Variants in EPX observed in about 807,000 individuals in gnomAD.
The protein encoded by EPX is eosinophil peroxidase.
Under a neutral mutation model 73.0 loss-of-function variants are expected in EPX, and 60 were observed. That is an observed-to-expected ratio of 0.82 (90% CI 0.67 to 1.02). The LOEUF is 1.02. Among genes scored for constraint, EPX ranks in the 50% least tolerant of loss-of-function variants. The probability of loss-of-function intolerance (pLI) is 0.00; values close to 1 mark genes in which losing one functional copy is unlikely to be tolerated. For synonymous variants in EPX, 347 were observed against 389.2 expected, an observed-to-expected ratio of 0.89 and a Z score of 1.28; for missense variants, 950 against 973.9, an observed-to-expected ratio of 0.98 and a Z score of 0.33.
chr17:58,194,881 C>T (rs1044930508), intron 5 of EPX, 83 bp from the exon 6 acceptor site: 5 of 1,009,718 alleles, frequency 5.0e-6, no homozygotes, highest in Non-Finnish European at 7.7e-6. Flanking sequence ...AGGGGAGCTG[C>T]TGCTCCCTGA....
intron 7 of EPX, among the ~76,000 whole-genome samples, chr17:58,198,624 A>G (rs1968294538): frequency 6.6e-6 from 1 of 152,200 alleles, no homozygotes; most frequent in Admixed American, 6.5e-5. Context: ...AAAGATAGGA[A>G]GAGGTACACC....
At chr17:58,196,360 G>C (rs1450064443) in intron 6 of EPX, among the ~76,000 whole-genome samples, 1 of 152,028 alleles carries the variant, frequency 6.6e-6, no homozygotes, top group African/African-American at 2.4e-5. Flanking sequence ...CACCTGCCTC[G>C]GCCTCCCAAA....
Position 58,203,296 on chromosome 17 carries a change from A to G in EPX, c.1924A>G (p.Arg642Gly). ...GGCTTGTCTGTTCGAGAACCAGTTC[A>G]GAAGAGCCCGAGACGGAGACAGGTA... ...LLACLFENQF[R>G]RARDGDRFWW... Residue 642 changes from arginine (R) to glycine (G), a missense_variant, in exon 11 of 13, where the codon AGA becomes GGA. Physicochemically the swap from Arg to Gly is moderately radical, Grantham distance 125. Transcript: ENST00000225371. The G allele has an allele frequency of 1.9e-6, 3 of 1,613,978 alleles. No individual in the cohort carries two copies. The highest frequency in any genetic ancestry group is 2.5e-6 in the Non-Finnish European group (3 of 1,179,814).
Position 58,197,112 on chromosome 17 carries a change from C to T in EPX, c.975C>T (p.Leu325=). The T allele has an allele frequency of 6.2e-7, 1 of 1,614,232 alleles. No individual in the cohort carries two copies. The highest frequency in any genetic ancestry group is 8.5e-7 in the Non-Finnish European group (1 of 1,180,046). ...GTGAGGTCTCCCTCTCGCTGCGGCT[C>T]CGCAACCGGACCAACTACCTGGGGC... ...YGSEVSLSLR[L]RNRTNYLGLL... The change falls in exon 7 of 13, where the codon CTC becomes CTT. Residue 325 remains leucine, a synonymous_variant. Coordinates refer to ENST00000225371, the MANE Select transcript of EPX (RefSeq NM_000502.6).
Position 58,195,141 on chromosome 17 carries a change from G to C in EPX, c.772G>C (p.Ala258Pro), listed in dbSNP as rs755681100. ...TAGVDCERTCAQLPPCFPIKI... is the reference protein window; with the variant it reads ...TAGVDCERTCPQLPPCFPIKI... ...AGGCGTTGACTGTGAGAGGACCTGCGCCCAGCTGCCCCCCTGCTTTCCCAT... is the reference window on the plus strand; with the variant it reads ...AGGCGTTGACTGTGAGAGGACCTGCCCCCAGCTGCCCCCCTGCTTTCCCAT... Residue 258 changes from alanine to proline, a missense_variant, in exon 6 of 13, where the codon GCC becomes CCC. Transcript: ENST00000225371. 3 of 1,613,948 alleles carry C rather than the reference G, an allele frequency of 1.9e-6. No individual in the cohort carries two copies. The highest frequency in any genetic ancestry group is 2.5e-6 in the Non-Finnish European group (3 of 1,179,886).
intron 9 of EPX, 53 bp from the exon 10 acceptor site, chr17:58,200,172 G>C: frequency 1.3e-6 from 2 of 1,579,394 alleles, no homozygotes; most frequent in Non-Finnish European, 1.7e-6. Flanking sequence ...GATAACCCAA[G>C]TAGCTTCCCA....
intron 3 of EPX, 63 bp from the exon 4 acceptor site, chr17:58,193,651 A>G: frequency 1.9e-6 from 3 of 1,540,494 alleles, no homozygotes; most frequent in African/African-American, 1.4e-5. Context: ...GGGAGGAGAG[A>G]GGGTAAAGGG....
At chr17:58,197,289 G>A in intron 7 of EPX, 32 bp downstream of exon 7, 15 of 1,606,640 alleles carry the variant, frequency 9.3e-6, no homozygotes, top group Non-Finnish European at 1.3e-5. Context: ...TGTCTTCCCA[G>A]GAAACAGCCA....
In EPX at chr17:58,204,882, G is replaced by C. The variant is rs1012798898; in HGVS notation, c.*158G>C. The C allele has an allele frequency of 5.1e-6, 1 of 197,058 alleles. No individual in the cohort carries two copies. The highest frequency in any genetic ancestry group is 2.3e-5 in the African/African-American group (1 of 42,968). The allele number at this position is 197,058 out of a possible 1,614,324, so 12.2% of individuals were successfully genotyped here. Reference sequence around the variant, plus strand: ...GTTCCCCAGCCAGGAGTGAAGGCTGGGGGCTCCTATCAGCAATGGACCTTC... The same window carrying C: ...GTTCCCCAGCCAGGAGTGAAGGCTGCGGGCTCCTATCAGCAATGGACCTTC... On this transcript the variant is annotated 3_prime_UTR_variant, in exon 13 of 13. Transcript: ENST00000225371.
chr17:58,196,468 T>C (rs890180082), intron 6 of EPX, among the ~76,000 whole-genome samples: 4 of 152,168 alleles, frequency 2.6e-5, no homozygotes, highest in Admixed American at 2.0e-4. Context: ...CTTAACTCTA[T>C]GTGTGTGTGT....
At position 58,199,122 on chromosome 17, in the gene EPX, G is replaced by A; in HGVS notation, c.1203G>A (p.Glu401=). ...FMREHNRLAT[E]LRRLNPRWNG... Reference sequence around the variant, plus strand: ...GAGAGCACAACCGGCTGGCCACCGAGCTGAGACGCCTGAATCCCCGGTGGA... The same window carrying A: ...GAGAGCACAACCGGCTGGCCACCGAACTGAGACGCCTGAATCCCCGGTGGA... Residue 401 remains glutamate, a synonymous_variant, in exon 8 of 13, where the codon GAG becomes GAA. Transcript: ENST00000225371. 1 of 1,614,118 alleles carries A rather than the reference G, an allele frequency of 6.2e-7. No individual in the cohort carries two copies. The highest frequency in any genetic ancestry group is 1.6e-4 in the Middle Eastern group (1 of 6,062).
intron 3 of EPX, 24 bp from the exon 4 acceptor site, chr17:58,193,690 G>C (rs572782354): frequency 6.4e-7 from 1 of 1,574,328 alleles, no homozygotes; most frequent in Non-Finnish European, 8.7e-7. Context: ...GCCAGCTCAG[G>C]TCTGCCCATT....
Position 58,193,065 on chromosome 17 carries a change from T to C in EPX, c.104T>C (p.Val35Ala). 6.2e-7 allele frequency: 1 copy of C among 1,613,236 alleles called. No individual in the cohort carries two copies. The highest frequency in any genetic ancestry group is 8.5e-7 in the Non-Finnish European group (1 of 1,179,250). ...PASPGAVETS[V>A]LRDCIAEAKL... ...TCCCCTGGGGCAGTGGAGACCTCGG[T>C]CCTGCGAGACTGCATAGCAGAGGCC... Residue 35 changes from valine to alanine, a missense_variant, in exon 2 of 13, where the codon GTC becomes GCC. Coordinates refer to ENST00000225371, the MANE Select transcript of EPX (RefSeq NM_000502.6).
chr17:58,200,385 C>A lies in EPX; in HGVS notation c.1698C>A (p.His566Gln). The change falls in exon 10 of 13, where the codon CAC (histidine) becomes CAA (glutamine). Residue 566 changes from histidine to glutamine, a missense_variant. His to Gln is a conservative substitution (Grantham distance 24). Coordinates refer to ENST00000225371, the MANE Select transcript of EPX (RefSeq NM_000502.6). ...AALNMQRSRD[H>Q]GLPGYNAWRR... is the part of the protein sequence containing the mutation. Reference sequence around the variant, plus strand: ...TCAACATGCAACGAAGCCGGGACCACGGCCTTCCAGGTGAGGGGGCTGTCC... The same window carrying A: ...TCAACATGCAACGAAGCCGGGACCAAGGCCTTCCAGGTGAGGGGGCTGTCC... The A allele has an allele frequency of 6.2e-7, 1 of 1,614,138 alleles. No individual in the cohort carries two copies. Among genetic ancestry groups the A allele is most frequent in the Non-Finnish European group, 8.5e-7 (1 of 1,180,026 alleles).
rs760842541 is a variant in EPX, at chr17:58,193,376, A to G, written c.176A>G (p.Lys59Arg). The G allele has an allele frequency of 1.2e-6, 2 of 1,614,208 alleles. No individual in the cohort carries two copies. The highest frequency in any genetic ancestry group is 3.3e-5 in the Admixed American group (2 of 60,026). ...ACTCCTCCTCTCCTGGGCAGCATCA[A>G]GCAGCGGCTTCGCAGCGGTTCAGCC... ...AAYNWTQKSIKQRLRSGSASP... is the reference protein window; with the variant it reads ...AAYNWTQKSIRQRLRSGSASP... Residue 59 changes from lysine to arginine, a missense_variant, in exon 3 of 13, where the codon AAG (lysine) becomes AGG (arginine). Lys to Arg is a conservative substitution (Grantham distance 26, BLOSUM62 2). Transcript: ENST00000225371.
rs201496261 is a variant in EPX at position 58,199,598 on chromosome 17, C to A, written c.1341C>A (p.Thr447=). The change falls in exon 9 of 13, where the codon ACC becomes ACA. Residue 447 remains threonine, a synonymous_variant. Coordinates refer to ENST00000225371, the MANE Select transcript of EPX (RefSeq NM_000502.6). ...LVLGKARARR[T]LGHYRGYCSN... The stretch of plus-strand genomic sequence containing the variant: ...TGGGCAAGGCCCGGGCCAGGAGAAC[C>A]CTGGGGCACTACAGGGGGTACTGCT... The A allele has an allele frequency of 3.6e-5, 58 of 1,614,134 alleles. No individual in the cohort carries two copies. In the African/African-American group the frequency reaches 6.5e-4, roughly 18 times the overall value.
chr17:58,196,518 G>A (rs1968258435), intron 6 of EPX, among the ~76,000 whole-genome samples: 1 of 152,060 alleles, frequency 6.6e-6, no homozygotes, highest in Non-Finnish European at 1.5e-5. Context: ...AACCTTTCCT[G>A]TGTTTTTTTA....
At chr17:58,202,986 C>A in intron 10 of EPX, 95 bp from the exon 11 acceptor site, 1 of 906,436 alleles carries the variant, frequency 1.1e-6, no homozygotes, top group Non-Finnish European at 1.8e-6. Context: ...CCAATATTGA[C>A]TGGCCACAGC....
Position 58,194,034 on chromosome 17 carries a change from T to C in EPX, c.536T>C (p.Leu179Pro), listed in dbSNP as rs1280947281. 10 of 1,613,478 alleles carry C rather than the reference T, an allele frequency of 6.2e-6. No homozygotes were observed. The highest frequency in any genetic ancestry group is 8.5e-6 in the Non-Finnish European group (10 of 1,179,980). ...RWLPAEYEDG[L>P]SLPFGWTPSR... ...CTGCCCGCCGAGTATGAGGATGGGC[T>C]GTCGCTCCCCTTCGGCTGGACCCCC... is the stretch of plus-strand genomic sequence containing the variant. The change falls in exon 5 of 13, where the codon CTG becomes CCG. Residue 179 changes from leucine to proline, a missense_variant. Coordinates refer to ENST00000225371, the MANE Select transcript of EPX (RefSeq NM_000502.6).
Sources: allele counts gnomAD v4.1 joint callset (sites outside exome capture counted in the v4.1 genomes callset), GRCh38; gene constraint gnomAD v4.1.1; transcripts MANE v1.5; gene names NCBI Gene and HGNC (gene_info 2026-07-23, HGNC 2026-07-21).